Variants in BMP6 observed in about 807,000 individuals in gnomAD.
BMP6 encodes bone morphogenetic protein 6.
Under a neutral mutation model 54.1 loss-of-function variants are expected in BMP6, and 17 were observed. The observed-to-expected ratio is 0.31, with a 90% CI of 0.22 to 0.47. The LOEUF is 0.47. Ranked by LOEUF, BMP6 falls within the 20% of genes least tolerant of loss-of-function variation. BMP6 has a pLI of 1.00. For missense variants in BMP6, 720 were observed against 690.4 expected (o/e 1.04, Z -0.48); for synonymous variants, 328 against 291.2 (o/e 1.13, Z -1.28).
At chr6:7,750,914 G>A (rs1757414018) in intron 1 of BMP6, among the ~76,000 whole-genome samples, 1 of 152,168 alleles carries the variant, frequency 6.6e-6, no homozygotes, top group South Asian at 2.1e-4. Flanking sequence ...GTCCTGAACT[G>A]TATTAGCAGT....
chr6:7,808,914 T>TAA (rs70982107), intron 1 of BMP6, among the ~76,000 whole-genome samples: 7,507 of 88,826 alleles, frequency 0.085, 372 homozygotes, highest in Admixed American at 0.12. Context: ...ACCCTGTCTC[T>TAA]AAAAAAAAAA....
chr6:7,821,412 T>C (rs1443273496), intron 1 of BMP6, among the ~76,000 whole-genome samples: 1 of 152,294 alleles, frequency 6.6e-6, no homozygotes, highest in Non-Finnish European at 1.5e-5. Flanking sequence ...GAGCTGGTCA[T>C]GGTTGCTCAC....
intron 2 of BMP6, among the ~76,000 whole-genome samples, chr6:7,851,162 C>T (rs1759135987): frequency 1.3e-5 from 2 of 152,136 alleles, no homozygotes; most frequent in Non-Finnish European, 2.9e-5. Context: ...AACAAACTTG[C>T]TGGGCTTCTG....
At chr6:7,797,452 G>A (rs1041580693) in intron 1 of BMP6, among the ~76,000 whole-genome samples, 1 of 152,190 alleles carries the variant, frequency 6.6e-6, no homozygotes, top group African/African-American at 2.4e-5. Context: ...AATTCATTGA[G>A]TGAAAAGTTA....
At chr6:7,820,263 T>C (rs114505378) in intron 1 of BMP6, among the ~76,000 whole-genome samples, 3,361 of 152,326 alleles carry the variant, frequency 0.022, 53 homozygotes, top group Middle Eastern at 0.078. Flanking sequence ...TTTGCTCTCT[T>C]TTGTTTTGAG....
chr6:7,759,652 TTAAAA>T (rs1757578643), intron 1 of BMP6, among the ~76,000 whole-genome samples: 1 of 142,804 alleles, frequency 7.0e-6, no homozygotes, highest in African/African-American at 2.6e-5. Context: ...ATAAAAGAAT[TTAAAA>T]AAAAGAAGTG....
chr6:7,879,028 A>G (rs1228838214), intron 4 of BMP6, 46 bp from the exon 5 acceptor site: 1 of 1,558,876 alleles, frequency 6.4e-7, no homozygotes, highest in South Asian at 1.1e-5. Context: ...TAATGAGTTG[A>G]TGGGTGCATC....
intron 4 of BMP6, 33 bp downstream of exon 4, chr6:7,862,531 G>T: frequency 6.2e-7 from 1 of 1,610,924 alleles, no homozygotes; most frequent in Non-Finnish European, 8.5e-7. Flanking sequence ...TTTCCAGAAA[G>T]CCTTGTTGGC....
At chr6:7,821,573 T>C (rs1439104467) in intron 1 of BMP6, among the ~76,000 whole-genome samples, 1 of 152,210 alleles carries the variant, frequency 6.6e-6, no homozygotes, top group African/African-American at 2.4e-5. Context: ...GTAGGCATCA[T>C]AGTGTAATGA....
intron 1 of BMP6, among the ~76,000 whole-genome samples, chr6:7,817,355 C>T (rs1043772085): frequency 1.3e-5 from 2 of 152,088 alleles, no homozygotes; most frequent in Non-Finnish European, 2.9e-5. Context: ...AGGTCAAAAA[C>T]TGCCTGATGC....
rs542593642 is a variant in BMP6, at chr6:7,774,485, G to A, written c.664+46866G>A. Among the ~76,000 whole-genome samples the A allele has an allele frequency of 2.6e-5, 4 of 152,376 alleles. No individual in the cohort carries two copies. The South Asian group carries it at 8.3e-4, about 32-fold the overall frequency. On this transcript the variant is annotated intron_variant, in intron 1 of 6. Transcript: ENST00000283147. ...GAATCACTTGAACCCCTGGGAGGCA[G>A]AGGTTGCAGTGAGCCAAGATCGCGC...
chr6:7,820,853 A>G (rs1758600925), intron 1 of BMP6, among the ~76,000 whole-genome samples: 1 of 152,186 alleles, frequency 6.6e-6, no homozygotes. Context: ...ACCTCAGATC[A>G]CCAGGCATTA....
chr6:7,800,079 GGTGTGTGTGT>G (rs72469855), intron 1 of BMP6, among the ~76,000 whole-genome samples: 11,637 of 145,090 alleles, frequency 0.08, 651 homozygotes, highest in East Asian at 0.3. Flanking sequence ...TAAAGGAAGG[GGTGTGTGTGT>G]GTGTGTGTGT....
chr6:7,779,496 G>T (rs13209685), intron 1 of BMP6, among the ~76,000 whole-genome samples: 18,112 of 151,828 alleles, frequency 0.12, 1,388 homozygotes, highest in Non-Finnish European at 0.16. Context: ...CCACCACCAC[G>T]CCCAGGCTAA....
intron 1 of BMP6, among the ~76,000 whole-genome samples, chr6:7,844,514 A>G (rs1171259636): frequency 6.6e-6 from 1 of 152,116 alleles, no homozygotes; most frequent in Non-Finnish European, 1.5e-5. Context: ...TTCAGGTTCT[A>G]CCAGTAGGAG....
chr6:7,847,463 C>G (rs1026564851), intron 2 of BMP6, among the ~76,000 whole-genome samples: 1 of 152,130 alleles, frequency 6.6e-6, no homozygotes, highest in Non-Finnish European at 1.5e-5. Flanking sequence ...TTTGATCTCC[C>G]CATCTGTACC....
At chr6:7,832,231 G>A (rs181036721) in intron 1 of BMP6, among the ~76,000 whole-genome samples, 1 of 152,170 alleles carries the variant, frequency 6.6e-6, no homozygotes, top group African/African-American at 2.4e-5. Context: ...CTGAATTACT[G>A]CAATAGACCG....
Position 7,822,084 on chromosome 6 carries a change from G to A in BMP6, c.665-23056G>A, listed in dbSNP as rs560360515. Among the ~76,000 whole-genome samples the A allele has an allele frequency of 6.6e-5, 10 of 151,926 alleles. No homozygotes were observed. The Middle Eastern group carries it at 0.02, about 310-fold the overall frequency. ...TGCCCAGGCTAGAGTGCAATGACAC[G>A]ATCTCGGCTGACTGCAACCTCCGCC... On this transcript the variant is annotated intron_variant, in intron 1 of 6. Transcript: ENST00000283147.
At chr6:7,779,514 A>G (rs1441799793) in intron 1 of BMP6, among the ~76,000 whole-genome samples, 1 of 151,714 alleles carries the variant, frequency 6.6e-6, no homozygotes, top group Non-Finnish European at 1.5e-5. Context: ...TAATTTTTAT[A>G]TATTTGGTAG....
Sources: gnomAD v4.1 joint callset for allele counts (sites outside exome capture counted in the v4.1 genomes callset) on GRCh38, gnomAD v4.1.1 for gene constraint, MANE v1.5 for transcripts, NCBI Gene and HGNC (gene_info 2026-07-23, HGNC 2026-07-21) for gene names.